The following SPMIP2 variants were observed in gnomAD, a reference collection of about 807,000 sequenced individuals.
The protein encoded by SPMIP2 is sperm microtubule inner protein 2.
the SPMIP2 span, among the ~76,000 whole-genome samples, chr4:158,904,131 T>TTAAAG: frequency 1.3e-5 from 2 of 152,188 alleles, no homozygotes; most frequent in Non-Finnish European, 2.9e-5. Context: ...GGAGAATACC[T>TTAAAG]TAAAGTATGA....
the SPMIP2 span, among the ~76,000 whole-genome samples, chr4:158,922,851 C>T: frequency 2.0e-5 from 3 of 152,078 alleles, no homozygotes; most frequent in East Asian, 3.8e-4. Context: ...GGCCTTTTGT[C>T]TTCTTTCAGT....
chr4:158,983,699 T>A, the SPMIP2 span, among the ~76,000 whole-genome samples: 1 of 81,710 alleles, frequency 1.2e-5, no homozygotes, highest in Admixed American at 1.5e-4. Flanking sequence ...CATGCCAAAA[T>A]GTAAAGACCA....
At chr4:158,978,726 G>A in the SPMIP2 span, among the ~76,000 whole-genome samples, 1 of 152,070 alleles carries the variant, frequency 6.6e-6, no homozygotes, top group African/African-American at 2.4e-5. Flanking sequence ...TTATCAGAGA[G>A]TAGGATTGCA....
chr4:159,076,364 T>C, the SPMIP2 span, among the ~76,000 whole-genome samples: 1 of 152,234 alleles, frequency 6.6e-6, no homozygotes, highest in Non-Finnish European at 1.5e-5. Flanking sequence ...ATTAATTTCA[T>C]GGTTACTTCT....
the SPMIP2 span, among the ~76,000 whole-genome samples, chr4:158,995,820 G>T: frequency 2.4e-5 from 3 of 125,768 alleles, no homozygotes; most frequent in Admixed American, 3.1e-4. Flanking sequence ...TTGCACCACC[G>T]CACTCCAGCC....
the SPMIP2 span, among the ~76,000 whole-genome samples, chr4:158,975,327 C>G: frequency 2.0e-5 from 3 of 152,092 alleles, no homozygotes; most frequent in Non-Finnish European, 4.4e-5. Context: ...TGAATTGTGG[C>G]TTTTGTTACC....
At chr4:159,031,757 G>A in the SPMIP2 span, among the ~76,000 whole-genome samples, 1 of 152,142 alleles carries the variant, frequency 6.6e-6, no homozygotes, top group Admixed American at 6.6e-5. Flanking sequence ...AGAAAAATAC[G>A]AGAGATGTGA....
chr4:158,930,381 GTATTTCTTA>G, the SPMIP2 span, among the ~76,000 whole-genome samples: 1 of 151,892 alleles, frequency 6.6e-6, no homozygotes, highest in Non-Finnish European at 1.5e-5. Flanking sequence ...CCTATTTTTT[GTATTTCTTA>G]TAGAGACAGG....
At chr4:158,943,670 A>G in the SPMIP2 span, among the ~76,000 whole-genome samples, 1 of 152,012 alleles carries the variant, frequency 6.6e-6, no homozygotes, top group Non-Finnish European at 1.5e-5. Flanking sequence ...CCACACTTAC[A>G]TGTATAAGTG....
chr4:159,016,957 G>A, the SPMIP2 span, among the ~76,000 whole-genome samples: 4 of 152,206 alleles, frequency 2.6e-5, no homozygotes, highest in Non-Finnish European at 5.9e-5. Context: ...TGTGGGGAGC[G>A]ATGAGACGGG....
At chr4:159,027,834 C>T in the SPMIP2 span, among the ~76,000 whole-genome samples, 1 of 152,202 alleles carries the variant, frequency 6.6e-6, no homozygotes, top group Non-Finnish European at 1.5e-5. Context: ...CATTTATGTG[C>T]TTCTCCGACC....
the SPMIP2 span, among the ~76,000 whole-genome samples, chr4:158,947,026 C>G: frequency 1.4e-4 from 21 of 152,242 alleles, 1 homozygote; most frequent in Middle Eastern, 3.4e-3. Flanking sequence ...ACCCTACTCC[C>G]CCACTGCTCA....
chr4:158,928,833 A>C, the SPMIP2 span, among the ~76,000 whole-genome samples: 1 of 151,508 alleles, frequency 6.6e-6, no homozygotes, highest in Non-Finnish European at 1.5e-5. Flanking sequence ...GGAACAAACA[A>C]CACCAGACGT....
At chr4:159,000,223 T>C in the SPMIP2 span, among the ~76,000 whole-genome samples, 5 of 152,188 alleles carry the variant, frequency 3.3e-5, no homozygotes, top group Non-Finnish European at 5.9e-5. Context: ...TCCCAAACAT[T>C]TGCATGGTAC....
the SPMIP2 span, among the ~76,000 whole-genome samples, chr4:158,965,396 C>T: frequency 0.014 from 2,198 of 152,186 alleles, 52 homozygotes; most frequent in African/African-American, 0.05. Flanking sequence ...GTGGACTATT[C>T]AAGCAACAGA....
At chr4:158,953,436 G>C in the SPMIP2 span, among the ~76,000 whole-genome samples, 87,602 of 152,164 alleles carry the variant, frequency 0.58, 27,746 homozygotes, top group East Asian at 0.88. Flanking sequence ...CTAGGTTTCA[G>C]AAGATACATG....
At chr4:158,918,804 C>T in the SPMIP2 span, among the ~76,000 whole-genome samples, 2 of 152,144 alleles carry the variant, frequency 1.3e-5, no homozygotes, top group East Asian at 3.9e-4. Flanking sequence ...AACCAAGGAG[C>T]AGAAGGTTTG....
the SPMIP2 span, among the ~76,000 whole-genome samples, chr4:158,997,904 A>G: frequency 2.0e-5 from 3 of 152,160 alleles, no homozygotes; most frequent in South Asian, 6.2e-4. Flanking sequence ...TGATCCTCCC[A>G]CATCGGCCTC....
chr4:158,970,247 A>T, the SPMIP2 span, among the ~76,000 whole-genome samples: 1 of 152,170 alleles, frequency 6.6e-6, no homozygotes, highest in South Asian at 2.1e-4. Context: ...ACACTCCAAA[A>T]ATGACACTGT....
Sources: allele counts gnomAD v4.1 joint callset (sites outside exome capture counted in the v4.1 genomes callset), GRCh38; gene constraint gnomAD v4.1.1; transcripts MANE v1.5; gene names NCBI Gene and HGNC (gene_info 2026-07-23, HGNC 2026-07-21).